MICU1: variants seen among roughly 807,000 people sequenced by gnomAD.
MICU1 encodes calcium uptake protein 1, mitochondrial.
Under a neutral mutation model 56.8 loss-of-function variants are expected in MICU1, and 45 were observed. That is an observed-to-expected ratio of 0.79 (90% CI 0.62 to 1.02). The LOEUF (loss-of-function observed/expected upper bound fraction) is 1.02, where lower values mean the gene tolerates loss of function less well. Among genes scored for constraint, MICU1 ranks in the 50% least tolerant of loss-of-function variants. The pLI is 0.00. For missense variants in MICU1, 504 were observed against 587.1 expected, an observed-to-expected ratio of 0.86 and a Z score of 1.46; for synonymous variants, 186 against 195.1, an observed-to-expected ratio of 0.95 and a Z score of 0.39.
At chr10:72,414,257 C>G (rs1180980292) in intron 9 of MICU1, among the ~76,000 whole-genome samples, 2 of 151,858 alleles carry the variant, frequency 1.3e-5, no homozygotes, top group African/African-American at 4.8e-5. Context: ...TATATCCAAG[C>G]AATAAAATAC....
intron 10 of MICU1, among the ~76,000 whole-genome samples, chr10:72,397,842 T>C (rs1863318629): frequency 6.6e-6 from 1 of 152,204 alleles, no homozygotes; most frequent in South Asian, 2.1e-4. Flanking sequence ...CGGGAGACTT[T>C]AACACCCCAC....
At chr10:72,555,013 T>TCAAAA (rs934573606) in intron 3 of MICU1, among the ~76,000 whole-genome samples, 1 of 151,908 alleles carries the variant, frequency 6.6e-6, no homozygotes, top group Non-Finnish European at 1.5e-5. Flanking sequence ...AGACTCTATC[T>TCAAAA]CAAAACAAAA....
At chr10:72,601,722 T>C (rs1841541121) in intron 1 of MICU1, among the ~76,000 whole-genome samples, 1 of 151,962 alleles carries the variant, frequency 6.6e-6, no homozygotes, top group Non-Finnish European at 1.5e-5. Flanking sequence ...TATGCTCAAA[T>C]TTGATGAAGA....
chr10:72,440,168 A>G (rs1406821107), intron 8 of MICU1, among the ~76,000 whole-genome samples: 1 of 152,224 alleles, frequency 6.6e-6, no homozygotes, highest in African/African-American at 2.4e-5. Context: ...GGCTACAGTA[A>G]CCAAAGCAGC....
chr10:72,388,220 A>C (rs1862956817), intron 10 of MICU1, among the ~76,000 whole-genome samples: 1 of 152,252 alleles, frequency 6.6e-6, no homozygotes, highest in African/African-American at 2.4e-5. Flanking sequence ...CAATGAGCGG[A>C]GGTGGTGAGG....
In MICU1 at chr10:72,572,241, TTTAA is replaced by T. The variant is rs370436305; in HGVS notation, c.-1-5451_-1-5448del. Among the ~76,000 whole-genome samples, 632 of 152,292 alleles carry T rather than the reference TTTAA, an allele frequency of 4.1e-3. 6 individuals are homozygous for T. The highest frequency in any genetic ancestry group is 0.014 in the African/African-American group (585 of 41,572). On this transcript the variant is annotated intron_variant, in intron 1 of 11. Coordinates refer to ENST00000361114, the MANE Select transcript of MICU1 (RefSeq NM_001195518.2). ...TTTGGTAGAAAACACTATAACAAAA[TTTAA>T]TTAATTTCATTTAGGAGAAAAGACT...
At chr10:72,491,130 G>A (rs1866642006) in intron 6 of MICU1, among the ~76,000 whole-genome samples, 3 of 152,196 alleles carry the variant, frequency 2.0e-5, no homozygotes, top group Non-Finnish European at 4.4e-5. Context: ...ATGTGGTCAA[G>A]ATGAAACAAT....
At chr10:72,447,574 G>A (rs973641221) in intron 8 of MICU1, among the ~76,000 whole-genome samples, 8 of 151,964 alleles carry the variant, frequency 5.3e-5, no homozygotes, top group South Asian at 2.1e-4. Context: ...TTATAACCAG[G>A]AGGCAATGCT....
At chr10:72,621,223 C>T (rs904590022) in intron 1 of MICU1, among the ~76,000 whole-genome samples, 2 of 152,120 alleles carry the variant, frequency 1.3e-5, no homozygotes, top group African/African-American at 2.4e-5. Flanking sequence ...TTTGGATGGG[C>T]GCAGTGGCTC....
intron 11 of MICU1, among the ~76,000 whole-genome samples, chr10:72,374,612 T>C (rs1004796192): frequency 1.3e-5 from 2 of 152,118 alleles, no homozygotes; most frequent in Admixed American, 6.6e-5. Flanking sequence ...GAAGTGATTC[T>C]TATGCTGGGA....
chr10:72,529,731 T>C (rs1459616442), intron 5 of MICU1, among the ~76,000 whole-genome samples: 1 of 152,158 alleles, frequency 6.6e-6, no homozygotes, highest in African/African-American at 2.4e-5. Context: ...AGCAACTAAA[T>C]GATTACATGA....
At chr10:72,413,877 A>G (rs749269839) in intron 9 of MICU1, among the ~76,000 whole-genome samples, 2 of 152,244 alleles carry the variant, frequency 1.3e-5, no homozygotes, top group African/African-American at 4.8e-5. Flanking sequence ...TAATAAGTAC[A>G]TGAAACAATG....
At chr10:72,479,520 T>C (rs138535222) in intron 6 of MICU1, among the ~76,000 whole-genome samples, 2 of 152,260 alleles carry the variant, frequency 1.3e-5, no homozygotes, top group Non-Finnish European at 2.9e-5. Context: ...AACTCTCAGA[T>C]AGGTTTGTCA....
chr10:72,475,188 A>G lies in MICU1; in HGVS notation c.845T>C (p.Phe282Ser), dbSNP rs771394903. 2.1e-5 allele frequency: 34 copies of G among 1,611,390 alleles called. No individual in the cohort carries two copies. In the African/African-American group the frequency reaches 3.1e-4, roughly 15 times the overall value. The change falls in exon 8 of 12, where the codon TTT becomes TCT. Residue 282 changes from phenylalanine (F) to serine (S), a missense_variant. Coordinates refer to ENST00000361114, the MANE Select transcript of MICU1 (RefSeq NM_001195518.2). Reference protein sequence around the residue: ...SGLCSALTTYFFGADLKGKLT... With the variant: ...SGLCSALTTYSFGADLKGKLT... ...CTTTCCCTTCAGATCAGCTCCAAAA[A>G]AGTAGGTTGTGAGGGCTGAACACAA... is the stretch of plus-strand genomic sequence containing the variant.
chr10:72,529,882 C>A, intron 5 of MICU1, among the ~76,000 whole-genome samples: 1 of 147,910 alleles, frequency 6.8e-6, no homozygotes, highest in Admixed American at 6.8e-5. Flanking sequence ...ATAAATAATC[C>A]AAATTCATGA....
intron 1 of MICU1, among the ~76,000 whole-genome samples, chr10:72,612,193 C>T (rs1371599066): frequency 1.3e-5 from 2 of 151,720 alleles, no homozygotes; most frequent in Non-Finnish European, 1.5e-5. Context: ...AATAAAATCC[C>T]AGACTCATTA....
At chr10:72,576,306 C>T (rs922476942) in intron 1 of MICU1, among the ~76,000 whole-genome samples, 6 of 148,176 alleles carry the variant, frequency 4.0e-5, no homozygotes, top group African/African-American at 1.5e-4. Flanking sequence ...CCAAGATAGG[C>T]CAAAAGTTAG....
At chr10:72,478,510 C>T (rs1257328308) in intron 6 of MICU1, among the ~76,000 whole-genome samples, 1 of 152,088 alleles carries the variant, frequency 6.6e-6, no homozygotes, top group Non-Finnish European at 1.5e-5. Context: ...TTCTATGTGT[C>T]CTTATACTAG....
chr10:72,404,193 T>C (rs560214142), intron 10 of MICU1, among the ~76,000 whole-genome samples: 15 of 151,622 alleles, frequency 9.9e-5, no homozygotes, highest in Admixed American at 9.9e-4. Context: ...TTTCACCCTG[T>C]TGGCCAGGCT....
Sources: gnomAD v4.1 joint callset for allele counts (sites outside exome capture counted in the v4.1 genomes callset) on GRCh38, gnomAD v4.1.1 for gene constraint, MANE v1.5 for transcripts, NCBI Gene and HGNC (gene_info 2026-07-23, HGNC 2026-07-21) for gene names.